SAMD13: variants seen among roughly 807,000 people sequenced by gnomAD.
The protein encoded by SAMD13 is sterile alpha motif domain-containing protein 13.
SAMD13 carries 9 observed loss-of-function variants against 12.4 expected under a neutral mutation model. The observed-to-expected ratio is 0.72, with a 90% CI of 0.44 to 1.26. The LOEUF is 1.26. Ranked by LOEUF, SAMD13 falls within the 50% of genes most tolerant of loss-of-function variation. The probability of loss-of-function intolerance (pLI) is 0.00; values close to 1 mark genes in which losing one functional copy is unlikely to be tolerated. For synonymous variants in SAMD13, 46 were observed against 45.4 expected (o/e 1.01, Z -0.05); for missense variants, 84 against 119.6 (o/e 0.70, Z 1.39).
intron 2 of SAMD13, among the ~76,000 whole-genome samples, chr1:84,305,746 C>T (rs540095755): frequency 2.0e-5 from 3 of 152,172 alleles, no homozygotes; most frequent in Admixed American, 2.0e-4. Flanking sequence ...TATGGATATC[C>T]AATCTTTCCA....
chr1:84,331,010 T>G (rs1333751862), intron 3 of SAMD13, among the ~76,000 whole-genome samples: 1 of 152,138 alleles, frequency 6.6e-6, no homozygotes, highest in Admixed American at 6.6e-5. Flanking sequence ...GTTGCTTAAG[T>G]CATTCATTTG....
At chr1:84,300,709 T>G (rs958655220), upstream of SAMD13, among the ~76,000 whole-genome samples, 4 of 152,160 alleles carry the variant, frequency 2.6e-5, no homozygotes, top group African/African-American at 9.7e-5. Flanking sequence ...TGGGATGAGA[T>G]TATTCTCCTG....
At chr1:84,320,635 GAGGCTGTTTTAAGACATGAGCAAAGAAT>G in intron 2 of SAMD13, among the ~76,000 whole-genome samples, 1 of 152,326 alleles carries the variant, frequency 6.6e-6, no homozygotes, top group East Asian at 1.9e-4. Flanking sequence ...CTTTTAGCCA[GAGGCTGTTTTAAGACATGAGCAAAGAAT>G]AGGTTAATTT....
In SAMD13 at chr1:84,303,292, G is replaced by A; in HGVS notation, c.53+5G>A. 6.2e-7 allele frequency: 1 copy of A among 1,610,576 alleles called. No homozygotes were observed. Among genetic ancestry groups the A allele is most frequent in the Non-Finnish European group, 8.5e-7 (1 of 1,177,138 alleles). ...TGGCTCTGTCGGTGTAAAAAAGTAAGTGAAGCTGGCTTCTGAGTTCTGCTT... is the reference window on the plus strand; with the variant it reads ...TGGCTCTGTCGGTGTAAAAAAGTAAATGAAGCTGGCTTCTGAGTTCTGCTT... On this transcript the variant is annotated splice_donor_5th_base_variant and intron_variant, in intron 2 of 3. Transcript: ENST00000394834.
chr1:84,348,410 C>T (rs886500619), intron 3 of SAMD13, among the ~76,000 whole-genome samples: 3 of 152,242 alleles, frequency 2.0e-5, no homozygotes, highest in South Asian at 2.1e-4. Flanking sequence ...GTTGCAGCTA[C>T]ACACGGTGTC....
chr1:84,311,347 A>G (rs1028033027), intron 2 of SAMD13, among the ~76,000 whole-genome samples: 13 of 144,874 alleles, frequency 9.0e-5, no homozygotes, highest in East Asian at 7.8e-4. Context: ...AAAAAAAAAA[A>G]AAAGAAAAGA....
intron 3 of SAMD13, among the ~76,000 whole-genome samples, chr1:84,327,185 G>A (rs1450429205): frequency 6.6e-6 from 1 of 152,060 alleles, no homozygotes; most frequent in Admixed American, 6.5e-5. Flanking sequence ...TTGAAGCCTA[G>A]GTGTACATCA....
intron 3 of SAMD13, among the ~76,000 whole-genome samples, chr1:84,334,827 T>C (rs1000799209): frequency 2.0e-5 from 3 of 152,176 alleles, no homozygotes; most frequent in African/African-American, 7.2e-5. Context: ...CCAAAACTCA[T>C]TCAGGAGCAG....
intron 1 of SAMD13, among the ~76,000 whole-genome samples, chr1:84,302,200 A>G (rs1017607305): frequency 5.9e-5 from 9 of 152,204 alleles, no homozygotes; most frequent in Non-Finnish European, 1.2e-4. Context: ...TCTTGCGAAT[A>G]TACTAAATGA....
At chr1:84,322,732 G>A (rs1414732496) in intron 2 of SAMD13, among the ~76,000 whole-genome samples, 5 of 152,092 alleles carry the variant, frequency 3.3e-5, no homozygotes, top group Non-Finnish European at 1.5e-5. Context: ...TCTTCTGGGT[G>A]AATTCCCTTA....
chr1:84,307,730 A>G (rs1441150768), intron 2 of SAMD13, among the ~76,000 whole-genome samples: 1 of 152,098 alleles, frequency 6.6e-6, no homozygotes, highest in Non-Finnish European at 1.5e-5. Flanking sequence ...TTTAAGTTTT[A>G]TTAGGAACAG....
At chr1:84,327,672 A>C (rs1417629465) in intron 3 of SAMD13, among the ~76,000 whole-genome samples, 1 of 152,240 alleles carries the variant, frequency 6.6e-6, no homozygotes, top group African/African-American at 2.4e-5. Context: ...GTTTAGGGTA[A>C]AGTATACTGA....
intron 2 of SAMD13, among the ~76,000 whole-genome samples, chr1:84,309,118 A>G (rs1678650657): frequency 1.3e-5 from 2 of 152,204 alleles, no homozygotes; most frequent in Admixed American, 6.5e-5. Context: ...CTTTTTTTCA[A>G]GTAAGTAAAC....
intron 2 of SAMD13, among the ~76,000 whole-genome samples, chr1:84,312,211 C>G (rs1405582187): frequency 1.3e-5 from 2 of 152,028 alleles, no homozygotes; most frequent in East Asian, 3.8e-4. Context: ...AGCTCAGATT[C>G]TGTTTTAAAT....
At chr1:84,339,831 C>T (rs976672807) in intron 3 of SAMD13, among the ~76,000 whole-genome samples, 8 of 151,532 alleles carry the variant, frequency 5.3e-5, no homozygotes, top group African/African-American at 1.5e-4. Context: ...TCCAGACTTA[C>T]TCACATCCAG....
chr1:84,320,761 T>TA (rs1197599515), intron 2 of SAMD13, among the ~76,000 whole-genome samples: 2 of 152,138 alleles, frequency 1.3e-5, no homozygotes, highest in African/African-American at 2.4e-5. Flanking sequence ...ATTAGCCTTA[T>TA]AAAAAAAGTA....
intron 3 of SAMD13, among the ~76,000 whole-genome samples, chr1:84,326,095 G>C (rs148766296): frequency 9.3e-4 from 141 of 152,264 alleles, no homozygotes; most frequent in African/African-American, 3.4e-3. Context: ...GAAAGGAAAA[G>C]CAGGGACAAA....
chr1:84,304,927 A>G (rs1014892533), intron 2 of SAMD13, among the ~76,000 whole-genome samples: 4 of 152,188 alleles, frequency 2.6e-5, no homozygotes, highest in Non-Finnish European at 5.9e-5. Flanking sequence ...AAATGATGAT[A>G]GACATTTGAA....
chr1:84,335,665 T>C (rs912524652), intron 3 of SAMD13, among the ~76,000 whole-genome samples: 2 of 152,208 alleles, frequency 1.3e-5, no homozygotes, highest in Admixed American at 1.3e-4. Context: ...TTAAGTGTGT[T>C]TTTGTGGCAG....
Sources: gnomAD v4.1 joint callset for allele counts (sites outside exome capture counted in the v4.1 genomes callset) on GRCh38, gnomAD v4.1.1 for gene constraint, MANE v1.5 for transcripts, NCBI Gene and HGNC (gene_info 2026-07-23, HGNC 2026-07-21) for gene names.